The following BCAS1 variants were observed in gnomAD, a reference collection of about 807,000 sequenced individuals.
BCAS1 encodes breast carcinoma-amplified sequence 1.
In BCAS1, 46 loss-of-function variants were observed where a neutral mutation model predicts 65.4. The observed-to-expected ratio is 0.70, with a 90% confidence interval of 0.55 to 0.90. BCAS1 has a LOEUF of 0.90. BCAS1 is among the 40% of genes least tolerant of loss of function. The probability of loss-of-function intolerance (pLI) is 0.00; values close to 1 mark genes in which losing one functional copy is unlikely to be tolerated. For missense variants in BCAS1, 793 were observed against 771.2 expected (o/e 1.03, Z -0.33); for synonymous variants, 298 against 293.5 (o/e 1.02, Z -0.16).
At chr20:53,964,129 C>T (rs1464315714) in intron 10 of BCAS1, among the ~76,000 whole-genome samples, 1 of 147,554 alleles carries the variant, frequency 6.8e-6, no homozygotes, top group Non-Finnish European at 1.5e-5. Context: ...AAACATACCA[C>T]ATGTCCATCC....
At chr20:53,998,262 A>G (rs1352451392) in intron 4 of BCAS1, among the ~76,000 whole-genome samples, 1 of 152,182 alleles carries the variant, frequency 6.6e-6, no homozygotes, top group Admixed American at 6.5e-5. Flanking sequence ...ACTCATTTTA[A>G]TGGACGATTG....
At chr20:54,064,356 C>G (rs1386758280) in intron 1 of BCAS1, among the ~76,000 whole-genome samples, 3 of 152,196 alleles carry the variant, frequency 2.0e-5, no homozygotes, top group African/African-American at 7.2e-5. Context: ...CTACCCTGAC[C>G]TAGACAACCA....
chr20:53,975,362 G>A lies in BCAS1; in HGVS notation c.1317+27C>T, dbSNP rs1404249834. On this transcript the variant is annotated intron_variant, in intron 9 of 12. Coordinates refer to ENST00000688948, the MANE Select transcript of BCAS1 (RefSeq NM_001366298.2). Reference sequence around the variant, plus strand: ...ACATGGCGGAAGATGAGAATGGAATGATTCTGCCGTGGTGTGTGTAACTTA... The same window carrying A: ...ACATGGCGGAAGATGAGAATGGAATAATTCTGCCGTGGTGTGTGTAACTTA... 8 of 1,602,568 alleles carry A rather than the reference G, an allele frequency of 5.0e-6. No homozygotes were observed. In the East Asian group the frequency reaches 1.6e-4, roughly 31 times the overall value.
At chr20:53,978,388 C>T (rs951112756) in intron 8 of BCAS1, among the ~76,000 whole-genome samples, 34 of 151,978 alleles carry the variant, frequency 2.2e-4, no homozygotes, top group African/African-American at 8.2e-4. Context: ...AAAAGAAATG[C>T]CTTATCATTA....
At chr20:54,026,552 C>T (rs1158256525) in intron 4 of BCAS1, among the ~76,000 whole-genome samples, 4 of 152,202 alleles carry the variant, frequency 2.6e-5, no homozygotes, top group South Asian at 4.1e-4. Context: ...TCATTGTCTT[C>T]CCATAAATAA....
chr20:54,023,191 C>T (rs955113729), intron 4 of BCAS1, among the ~76,000 whole-genome samples: 2 of 152,214 alleles, frequency 1.3e-5, no homozygotes, highest in South Asian at 2.1e-4. Context: ...TACAACTTTG[C>T]ATATGCTAAC....
chr20:54,030,752 C>A (rs2091782203), intron 3 of BCAS1, among the ~76,000 whole-genome samples: 1 of 151,272 alleles, frequency 6.6e-6, no homozygotes, highest in Non-Finnish European at 1.5e-5. Flanking sequence ...CTGGGGCAAG[C>A]CCAGGGATGA....
intron 8 of BCAS1, among the ~76,000 whole-genome samples, chr20:53,982,333 C>G (rs2090503842): frequency 6.6e-6 from 1 of 152,190 alleles, no homozygotes; most frequent in African/African-American, 2.4e-5. Flanking sequence ...CTCCAGTTAA[C>G]TGCATTTTAA....
intron 4 of BCAS1, among the ~76,000 whole-genome samples, chr20:54,008,921 C>A (rs1048168789): frequency 6.6e-6 from 1 of 151,824 alleles, no homozygotes; most frequent in Non-Finnish European, 1.5e-5. Flanking sequence ...TCAAGCAATT[C>A]TCCTGCCTCA....
At chr20:54,066,319 G>A (rs559696608) in intron 1 of BCAS1, among the ~76,000 whole-genome samples, 57 of 151,804 alleles carry the variant, frequency 3.8e-4, no homozygotes, top group African/African-American at 8.9e-4. Context: ...TGATCCGCCC[G>A]CCTTGGCCTC....
At chr20:54,028,996 G>T (rs754085101) in intron 3 of BCAS1, 24 bp from the exon 4 acceptor site, 2 of 1,571,484 alleles carry the variant, frequency 1.3e-6, no homozygotes, top group African/African-American at 1.4e-5. Flanking sequence ...CATAAACAGT[G>T]GTTATTCAGC....
At chr20:54,039,824 G>A (rs928534499) in intron 3 of BCAS1, among the ~76,000 whole-genome samples, 1 of 151,120 alleles carries the variant, frequency 6.6e-6, no homozygotes, top group African/African-American at 2.4e-5. Flanking sequence ...GCAACCTGAT[G>A]TGGCATATTG....
intron 4 of BCAS1, among the ~76,000 whole-genome samples, chr20:53,998,380 G>A (rs888144706): frequency 1.3e-5 from 2 of 152,224 alleles, no homozygotes; most frequent in African/African-American, 4.8e-5. Context: ...CAGGAAGCAT[G>A]GGACTGGCAT....
At chr20:53,982,039 T>C (rs1465795076) in intron 8 of BCAS1, among the ~76,000 whole-genome samples, 1 of 152,226 alleles carries the variant, frequency 6.6e-6, no homozygotes, top group Non-Finnish European at 1.5e-5. Context: ...ATATGTACAA[T>C]TATTGGTTTC....
chr20:54,016,326 T>C (rs1276482404), intron 4 of BCAS1, among the ~76,000 whole-genome samples: 6 of 152,256 alleles, frequency 3.9e-5, no homozygotes, highest in Non-Finnish European at 7.3e-5. Flanking sequence ...TTTTAAACAT[T>C]TTTTATTGAT....
intron 9 of BCAS1, among the ~76,000 whole-genome samples, chr20:53,973,361 A>AT (rs3831645): frequency 0.14 from 21,454 of 152,176 alleles, 1,749 homozygotes; most frequent in South Asian, 0.21. Context: ...TTTAACAAAT[A>AT]TTTTACCTTA....
At chr20:53,965,616 A>G (rs958166073) in intron 10 of BCAS1, among the ~76,000 whole-genome samples, 1 of 152,210 alleles carries the variant, frequency 6.6e-6, no homozygotes, top group Non-Finnish European at 1.5e-5. Flanking sequence ...TAATTCATCA[A>G]CTAAGTTATA....
intron 1 of BCAS1, among the ~76,000 whole-genome samples, chr20:54,063,456 G>T (rs745748025): frequency 6.6e-6 from 1 of 152,276 alleles, no homozygotes; most frequent in African/African-American, 2.4e-5. Flanking sequence ...ACAGGTGCCC[G>T]GTAGTGAGAC....
intron 10 of BCAS1, 106 bp downstream of exon 10, chr20:53,966,800 C>T (rs992676199): frequency 3.6e-6 from 4 of 1,096,730 alleles, no homozygotes; most frequent in Non-Finnish European, 3.9e-6. Context: ...ACATTCCATA[C>T]ACACCAGCTA....
Sources: allele counts gnomAD v4.1 joint callset (sites outside exome capture counted in the v4.1 genomes callset), GRCh38; gene constraint gnomAD v4.1.1; transcripts MANE v1.5; gene names NCBI Gene and HGNC (gene_info 2026-07-23, HGNC 2026-07-21).